The following SPIRE2 variants were observed in gnomAD, a reference collection of about 807,000 sequenced individuals.
The protein encoded by SPIRE2 is spire type actin nucleation factor 2.
A neutral mutation model predicts 80.7 loss-of-function variants in SPIRE2; 76 were observed. That is an observed-to-expected ratio of 0.94 (90% CI 0.78 to 1.14). The LOEUF (loss-of-function observed/expected upper bound fraction) is 1.14, where lower values mean the gene tolerates loss of function less well. Among genes scored for constraint, SPIRE2 ranks in the 50% most tolerant of loss-of-function variants. The pLI, the probability that SPIRE2 is intolerant of heterozygous loss-of-function variation, is 0.00. For synonymous variants in SPIRE2, 535 were observed against 432.6 expected (o/e 1.24, Z -2.94); for missense variants, 1,196 against 1,015.3 (o/e 1.18, Z -2.42).
chr16:89,862,151 C>A (rs1208518227), intron 10 of SPIRE2: 6 of 152,144 alleles, frequency 3.9e-5, no homozygotes, highest in Non-Finnish European at 1.5e-5. Context: ...CTACAGGCGC[C>A]CACCACCGCA....
At chr16:89,829,051 C>T (rs1264790073) in intron 1 of SPIRE2, among the ~76,000 whole-genome samples, 1 of 152,210 alleles carries the variant, frequency 6.6e-6, no homozygotes, top group Non-Finnish European at 1.5e-5. Flanking sequence ...CCTGACGCCT[C>T]TCCCAGCGCG....
chr16:89,868,087 G>A, intron 12 of SPIRE2, 102 bp from the exon 13 acceptor site: 1 of 1,273,402 alleles, frequency 7.9e-7, no homozygotes, highest in East Asian at 2.3e-5. Flanking sequence ...AGAAGGCAAG[G>A]ATGGTTTGAC....
At chr16:89,867,489 C>T (rs189398599) in intron 12 of SPIRE2, among the ~76,000 whole-genome samples, 21 of 151,992 alleles carry the variant, frequency 1.4e-4, no homozygotes, top group African/African-American at 5.1e-4. Flanking sequence ...TGTTTTTAAA[C>T]TTTCCAAAAG....
chr16:89,868,257 A>T, intron 13 of SPIRE2, 41 bp downstream of exon 13: 1 of 1,606,992 alleles, frequency 6.2e-7, no homozygotes, highest in Non-Finnish European at 8.5e-7. Context: ...AGCAAGGCAG[A>T]TGAGGGGCTC....
chr16:89,854,856 G>C (rs904729576), intron 5 of SPIRE2, among the ~76,000 whole-genome samples: 16 of 152,224 alleles, frequency 1.1e-4, no homozygotes, highest in Non-Finnish European at 1.9e-4. Context: ...TTCAGGGACA[G>C]TGACCAGGCA....
At position 89,863,534 on chromosome 16, in the gene SPIRE2, G is replaced by C. The variant is rs996198574; in HGVS notation, c.1634G>C (p.Arg545Pro). 6.2e-7 allele frequency: 1 copy of C among 1,613,934 alleles called. No individual in the cohort carries two copies. Among genetic ancestry groups the C allele is most frequent in the Non-Finnish European group, 8.5e-7 (1 of 1,180,040 alleles). ...ACTGTGGAAGAGGTGATGGACGTGC[G>C]CCGTGTGCTGGTGAAGGCCGAGATG... Reference protein sequence around the residue: ...ALTVEEVMDVRRVLVKAEMEK... With the variant: ...ALTVEEVMDVPRVLVKAEMEK... Residue 545 changes from arginine (R) to proline (P), a missense_variant, in exon 11 of 15, where the codon CGC becomes CCC. Coordinates refer to ENST00000378247, the MANE Select transcript of SPIRE2 (RefSeq NM_032451.2). This position sits in a 1 kb window ranked among gnomAD's most constrained non-coding sequence, Gnocchi z 4.3.
intron 3 of SPIRE2, 101 bp from the exon 4 acceptor site, chr16:89,854,185 G>C (rs1277703952): frequency 9.1e-7 from 1 of 1,098,936 alleles, no homozygotes; most frequent in Non-Finnish European, 1.3e-6. Context: ...GGCTGGTCGA[G>C]TGGAGCCCCC....
rs968978387 is a variant in SPIRE2 at position 89,869,063 on chromosome 16, T to C, written c.1807-504T>C. ...AAAAAAAAAAAAAAAAATATATATA[T>C]ATATATATATATGTTACCCCTCAGG... On this transcript the variant is annotated intron_variant, in intron 13 of 14. Coordinates refer to ENST00000378247, the MANE Select transcript of SPIRE2 (RefSeq NM_032451.2). Among the ~76,000 whole-genome samples the C allele has an allele frequency of 5.0e-4, 35 of 70,194 alleles. 3 individuals carry two copies. Among genetic ancestry groups the C allele is most frequent in the African/African-American group, 2.0e-3 (32 of 16,362 alleles). The allele number at this position is 70,194 out of a possible 152,430, so 46.0% of individuals were successfully genotyped here. A position where few individuals can be genotyped will look rare whatever the true frequency, so the allele number is the denominator to read the frequency against.
intron 1 of SPIRE2, among the ~76,000 whole-genome samples, chr16:89,836,904 AG>A (rs2041455795): frequency 6.6e-6 from 1 of 151,808 alleles, no homozygotes. Context: ...ATGAGGCAGG[AG>A]AATCGCTTGA....
rs1014077121 is a variant in SPIRE2 at position 89,831,850 on chromosome 16, G to A, written c.244+3056G>A. 4.0e-5 allele frequency among the ~76,000 whole-genome samples: 6 copies of A among 151,414 alleles called. 1 individual carries two copies. The highest frequency in any genetic ancestry group is 1.4e-4 in the African/African-American group (6 of 41,464). On this transcript the variant is annotated intron_variant, in intron 1 of 14. Coordinates refer to ENST00000378247, the MANE Select transcript of SPIRE2 (RefSeq NM_032451.2). ...CCTCTAAGGCACCCTTAGAGCACTGGCTCTGGGGTTCTGCTGTTTCGCAGC... is the reference window on the plus strand; with the variant it reads ...CCTCTAAGGCACCCTTAGAGCACTGACTCTGGGGTTCTGCTGTTTCGCAGC...
In SPIRE2 at chr16:89,871,065, GAC is replaced by G. The variant is rs1232460842; in HGVS notation, c.*795_*796del. 6.6e-6 allele frequency: 1 copy of G among 152,152 alleles called. No individual in the cohort carries two copies. Among genetic ancestry groups the G allele is most frequent in the African/African-American group, 2.4e-5 (1 of 41,268 alleles). The allele number at this position is 152,152 out of a possible 1,614,324, so 9.4% of individuals were successfully genotyped here. A position where few individuals can be genotyped will look rare whatever the true frequency, so the allele number is the denominator to read the frequency against. On this transcript the variant is annotated 3_prime_UTR_variant, in exon 15 of 15. Transcript: ENST00000378247. ...TGCACCACTGCACTCCAGCCTGGGC[GAC>G]AGAGCGAGACTCTGTCTCGAAAAAA...
chr16:89,832,556 G>T (rs1457163035), intron 1 of SPIRE2, among the ~76,000 whole-genome samples: 1 of 152,050 alleles, frequency 6.6e-6, no homozygotes, highest in African/African-American at 2.4e-5. Flanking sequence ...GCTTCTGTTA[G>T]CAGCTTCCTG....
chr16:89,854,525 C>A lies in SPIRE2; in HGVS notation c.765C>A (p.Arg255=). ...LWVQLMRELR[R]GVKLKKVQEQ... is the part of the protein sequence containing the mutation. ...TTCAGCTCATGCGGGAGCTCCGCCG[C>A]GGAGTGAAGCTGAAGAAGGTGCAAG... Residue 255 remains arginine, a synonymous_variant, in exon 5 of 15, where the codon CGC becomes CGA. Coordinates refer to ENST00000378247, the MANE Select transcript of SPIRE2 (RefSeq NM_032451.2). The A allele has an allele frequency of 6.2e-7, 1 of 1,612,710 alleles. No individual in the cohort carries two copies. Among genetic ancestry groups the A allele is most frequent in the Non-Finnish European group, 8.5e-7 (1 of 1,179,904 alleles).
At position 89,850,400 on chromosome 16, in the gene SPIRE2, A is replaced by T; in HGVS notation, c.385A>T (p.Ile129Phe). The stretch of plus-strand genomic sequence containing the variant: ...ACTCAGCCCTCAGCTGGAGCGGCTC[A>T]TCGACCTCATGGCCAACAACGACAG... ...RELSPQLERL[I>F]DLMANNDSED... The change falls in exon 3 of 15, where the codon ATC becomes TTC. Residue 129 changes from isoleucine (I) to phenylalanine (F), a missense_variant. Transcript: ENST00000378247. The T allele has an allele frequency of 6.3e-7, 1 of 1,596,280 alleles. No homozygotes were observed. Among genetic ancestry groups the T allele is most frequent in the Non-Finnish European group, 8.5e-7 (1 of 1,172,994 alleles).
chr16:89,869,805 C>T, intron 14 of SPIRE2, 123 bp downstream of exon 14: 1 of 792,448 alleles, frequency 1.3e-6, no homozygotes, highest in Non-Finnish European at 2.1e-6. Flanking sequence ...AATGGAAATG[C>T]AAGGCAGAGA....
At chr16:89,868,620 T>C (rs953523782) in intron 13 of SPIRE2, among the ~76,000 whole-genome samples, 3 of 152,126 alleles carry the variant, frequency 2.0e-5, no homozygotes, top group African/African-American at 7.2e-5. Flanking sequence ...TCCCAGCATT[T>C]TGGGAGGCCA....
chr16:89,852,666 C>G (rs1399693812), intron 3 of SPIRE2, among the ~76,000 whole-genome samples: 1 of 63,590 alleles, frequency 1.6e-5, no homozygotes, highest in Non-Finnish European at 3.1e-5. Flanking sequence ...ATCCCATGGC[C>G]CGTCATCCGT....
Position 89,850,460 on chromosome 16 carries a change from T to C in SPIRE2, c.445T>C (p.Tyr149His). Residue 149 changes from tyrosine to histidine, a missense_variant, in exon 3 of 15, where the codon TAC (tyrosine) becomes CAC (histidine). Coordinates refer to ENST00000378247, the MANE Select transcript of SPIRE2 (RefSeq NM_032451.2). ...DSGCGAADEG[Y>H]GGPEEEEEAE... ...CGGCTGCGGTGCCGCCGATGAGGGC[T>C]ACGGGGGTCCCGAGGAGGAGGAGGA... The C allele has an allele frequency of 1.3e-6, 2 of 1,561,838 alleles. No homozygotes were observed. The highest frequency in any genetic ancestry group is 1.2e-5 in the South Asian group (1 of 83,588).
intron 1 of SPIRE2, among the ~76,000 whole-genome samples, chr16:89,837,684 G>A (rs1416604950): frequency 6.6e-6 from 1 of 151,412 alleles, no homozygotes; most frequent in Non-Finnish European, 1.5e-5. Context: ...TCCCGGACTC[G>A]GGTCTCCGCA....
Sources: allele counts gnomAD v4.1 joint callset (sites outside exome capture counted in the v4.1 genomes callset), GRCh38; gene constraint gnomAD v4.1.1; non-coding constraint Gnocchi (gnomAD v3.1); transcripts MANE v1.5; gene names NCBI Gene and HGNC (gene_info 2026-07-23, HGNC 2026-07-21).